The following C4orf50 variants were observed in gnomAD, a reference collection of about 807,000 sequenced individuals.
C4orf50 encodes chromosome 4 open reading frame 50, also known as uncharacterized protein C4orf50.
Under a neutral mutation model 77.2 loss-of-function variants are expected in C4orf50, and 80 were observed. That is an observed-to-expected ratio of 1.04 (90% confidence interval 0.87 to 1.25). C4orf50 has a LOEUF of 1.25. Ranked by LOEUF, C4orf50 falls within the 50% of genes most tolerant of loss-of-function variation. The probability of loss-of-function intolerance (pLI) is 0.00; values close to 1 mark genes in which losing one functional copy is unlikely to be tolerated. For missense variants in C4orf50, 1,257 were observed against 1,152.9 expected, an observed-to-expected ratio of 1.09 and a Z score of -1.31; for synonymous variants, 532 against 465.3, an observed-to-expected ratio of 1.14 and a Z score of -1.84.
chr4:5,987,504 A>C (rs932804996), intron 28 of C4orf50, among the ~76,000 whole-genome samples: 4 of 151,842 alleles, frequency 2.6e-5, no homozygotes, highest in Admixed American at 2.6e-4. Flanking sequence ...CAATAAAAGT[A>C]AAAACAGATT....
intron 32 of C4orf50, 124 bp downstream of exon 10, chr4:5,967,290 T>C: frequency 1.3e-6 from 1 of 782,348 alleles, no homozygotes; most frequent in Admixed American, 1.8e-5. Context: ...AGGTGGGTCC[T>C]GTTCCTTTTA....
At chr4:6,013,425 T>G (rs1229551677) in intron 23 of C4orf50, among the ~76,000 whole-genome samples, 2 of 152,218 alleles carry the variant, frequency 1.3e-5, no homozygotes, top group Non-Finnish European at 2.9e-5. Context: ...GAGAACAGTA[T>G]TTAATTCTGA....
chr4:5,905,773 A>G lies in C4orf50; in HGVS notation c.*2475-7585T>C, dbSNP rs1021166937. Among the ~76,000 whole-genome samples the G allele has an allele frequency of 6.6e-6, 1 of 152,242 alleles. No homozygotes were observed. The highest frequency in any genetic ancestry group is 2.4e-5 in the African/African-American group (1 of 41,462). The stretch of plus-strand genomic sequence containing the variant: ...GTTTCTAGCTTTCAGGAGCCTCTCA[A>G]AGGGGCCAATGGCCAAAAGAAGGTT... On this transcript the variant is annotated intron_variant, in intron 7 of 7. Coordinates refer to the C4orf50 transcript ENST00000324058. This position sits in a 1 kb window ranked among gnomAD's most constrained non-coding sequence, Gnocchi z 5.4.
At chr4:5,942,494 G>C (rs1373028050) in intron 7 of C4orf50, among the ~76,000 whole-genome samples, 1 of 152,224 alleles carries the variant, frequency 6.6e-6, no homozygotes, top group Admixed American at 6.5e-5. Flanking sequence ...CTTGGAAAAT[G>C]CCCAGCACAA....
chr4:5,926,498 C>A (rs567266052), intron 7 of C4orf50, among the ~76,000 whole-genome samples: 1 of 151,974 alleles, frequency 6.6e-6, no homozygotes, highest in Non-Finnish European at 1.5e-5. Context: ...CTTTTTAGGA[C>A]GATGAAAACG....
At chr4:5,927,289 G>A (rs1260216731) in intron 7 of C4orf50, among the ~76,000 whole-genome samples, 2 of 151,988 alleles carry the variant, frequency 1.3e-5, no homozygotes, top group African/African-American at 4.8e-5. Context: ...TCCTTTTCCA[G>A]CCCATCTCTG....
chr4:5,910,717 A>G (rs1374192764), intron 7 of C4orf50, among the ~76,000 whole-genome samples: 1 of 152,114 alleles, frequency 6.6e-6, no homozygotes, highest in Non-Finnish European at 1.5e-5. Context: ...CTATGTGTGT[A>G]GCCCTGGGCA....
chr4:5,946,634 T>G (rs1208636905), intron 7 of C4orf50, among the ~76,000 whole-genome samples: 3 of 152,194 alleles, frequency 2.0e-5, no homozygotes, highest in African/African-American at 7.2e-5. Flanking sequence ...CATAAGCAAC[T>G]TCCTCTTTTC....
chr4:5,912,534 G>A (rs1716854253), intron 7 of C4orf50, among the ~76,000 whole-genome samples: 1 of 152,208 alleles, frequency 6.6e-6, no homozygotes, highest in African/African-American at 2.4e-5. Flanking sequence ...GGGTATGATG[G>A]TGAAAGAGTG....
At chr4:5,983,011 T>C (rs1029485544) in intron 28 of C4orf50, among the ~76,000 whole-genome samples, 1 of 152,138 alleles carries the variant, frequency 6.6e-6, no homozygotes, top group Non-Finnish European at 1.5e-5. Context: ...CCCAGTGCAG[T>C]AGGAAGCCAC....
chr4:5,965,147 T>G lies in C4orf50; in HGVS notation c.4154-2A>C, dbSNP rs150999652. ...CAGGATTCAAGAGGTATGTCTGAGC[T>G]GGAAGGGAAAATTCTCAGTCAAGCC... is the stretch of plus-strand genomic sequence containing the variant. On this transcript the variant is annotated splice_acceptor_variant, in intron 32 of 33. Transcript: ENST00000531445. LOFTEE classifies it high-confidence loss of function. The G allele has an allele frequency of 3.8e-5, 62 of 1,611,366 alleles. No individual in the cohort carries two copies. The African/African-American group carries it at 7.9e-4, about 20-fold the overall frequency.
chr4:5,984,719 T>A (rs1486644874), intron 28 of C4orf50, among the ~76,000 whole-genome samples: 1 of 151,466 alleles, frequency 6.6e-6, no homozygotes, highest in Non-Finnish European at 1.5e-5. Flanking sequence ...AGATGTGAAA[T>A]AAAGCCAAAA....
intron 25 of C4orf50, among the ~76,000 whole-genome samples, chr4:5,994,717 G>C (rs1422131949): frequency 6.6e-6 from 1 of 152,194 alleles, no homozygotes; most frequent in Non-Finnish European, 1.5e-5. Flanking sequence ...GACAACGAGG[G>C]CAGCGTTCAG....
At chr4:5,951,796 C>G (rs1362490196) in intron 7 of C4orf50, among the ~76,000 whole-genome samples, 1 of 152,136 alleles carries the variant, frequency 6.6e-6, no homozygotes, top group African/African-American at 2.4e-5. Flanking sequence ...GACCTACCTT[C>G]TTGCTAATCC....
At chr4:5,974,910 G>C (rs1032779043) in intron 30 of C4orf50, among the ~76,000 whole-genome samples, 6 of 151,768 alleles carry the variant, frequency 4.0e-5, no homozygotes, top group African/African-American at 1.5e-4. Flanking sequence ...AGGCCAAGAG[G>C]GGGTGGATCA....
chr4:5,928,773 T>C (rs1392716338), intron 7 of C4orf50, among the ~76,000 whole-genome samples: 1 of 152,242 alleles, frequency 6.6e-6, no homozygotes, highest in African/African-American at 2.4e-5. Flanking sequence ...AACGCTTTTT[T>C]AAAAACTTTC....
intron 7 of C4orf50, among the ~76,000 whole-genome samples, chr4:5,920,769 C>T (rs1274062017): frequency 6.6e-6 from 1 of 152,188 alleles, no homozygotes; most frequent in Admixed American, 6.5e-5. Flanking sequence ...AGCCACAGCA[C>T]CTGGCCAAAT....
chr4:5,922,567 G>A (rs770987183), intron 7 of C4orf50, among the ~76,000 whole-genome samples: 1 of 152,160 alleles, frequency 6.6e-6, no homozygotes, highest in African/African-American at 2.4e-5. Flanking sequence ...CATGCCATGG[G>A]TAACTCTGCA....
At chr4:5,993,030 A>ACCCCC (rs138600012) in intron 26 of C4orf50, 100 bp from the exon 5 acceptor site, 1 of 386,458 alleles carries the variant, frequency 2.6e-6, no homozygotes, top group Non-Finnish European at 4.5e-6. Flanking sequence ...GTAAGATGGC[A>ACCCCC]CCCCCCCCAC....
Sources: gnomAD v4.1 joint callset for allele counts (sites outside exome capture counted in the v4.1 genomes callset) on GRCh38, gnomAD v4.1.1 for gene constraint, Gnocchi (gnomAD v3.1) non-coding constraint, MANE v1.5 for transcripts, NCBI Gene and HGNC (gene_info 2026-07-23, HGNC 2026-07-21) for gene names.